RGS6: variants seen among roughly 807,000 people sequenced by gnomAD.
RGS6 encodes regulator of G protein signaling 6.
Under a neutral mutation model 78.5 loss-of-function variants are expected in RGS6, and 30 were observed. That is an observed-to-expected ratio of 0.38 (90% CI 0.29 to 0.52). The LOEUF (loss-of-function observed/expected upper bound fraction) is 0.52, where lower values mean the gene tolerates loss of function less well. Among genes scored for constraint, RGS6 ranks in the 20% least tolerant of loss-of-function variants. RGS6 has a pLI of 0.85. For synonymous variants in RGS6, 206 were observed against 206.0 expected (o/e 1.00, Z 0.00); for missense variants, 495 against 609.7 (o/e 0.81, Z 1.98).
At chr14:71,972,509 T>TTTCTTGATAAGGGAA (rs1311376719) in intron 2 of RGS6, among the ~76,000 whole-genome samples, 2 of 152,288 alleles carry the variant, frequency 1.3e-5, no homozygotes, top group East Asian at 3.9e-4. Flanking sequence ...AGACTCTGCG[T>TTTCTTGATAAGGGAA]TTCTTGATAA....
intron 2 of RGS6, among the ~76,000 whole-genome samples, chr14:72,113,274 A>C (rs972121091): frequency 6.6e-6 from 1 of 152,220 alleles, no homozygotes; most frequent in Non-Finnish European, 1.5e-5. Flanking sequence ...TAGGTGACCA[A>C]GTATTATCAG....
intron 14 of RGS6, among the ~76,000 whole-genome samples, chr14:72,517,281 G>C (rs372901549): frequency 1.3e-5 from 2 of 152,178 alleles, no homozygotes; most frequent in South Asian, 4.2e-4. Flanking sequence ...TGTGATTCCC[G>C]CTGCTCTCGG....
chr14:72,502,364 C>T (rs1316015709), intron 13 of RGS6, among the ~76,000 whole-genome samples: 4 of 152,186 alleles, frequency 2.6e-5, no homozygotes, highest in Admixed American at 2.0e-4. Context: ...ACCATGTGAT[C>T]CCCAAGTGAG....
At chr14:72,456,548 G>T (rs1466836630) in intron 4 of RGS6, among the ~76,000 whole-genome samples, 2 of 152,138 alleles carry the variant, frequency 1.3e-5, no homozygotes, top group Non-Finnish European at 2.9e-5. Context: ...TTCTGCTTTG[G>T]CCTCCCACAG....
chr14:72,296,194 T>C (rs1251082821), intron 2 of RGS6, among the ~76,000 whole-genome samples: 1 of 152,226 alleles, frequency 6.6e-6, no homozygotes. Context: ...TGGCCATACC[T>C]TTTTCCTTTT....
intron 3 of RGS6, among the ~76,000 whole-genome samples, chr14:72,449,484 G>A (rs2095442116): frequency 6.6e-6 from 1 of 152,156 alleles, no homozygotes; most frequent in South Asian, 2.1e-4. Flanking sequence ...AGCTATCCCT[G>A]TCAAATTCTA....
rs2097701304 is a variant in RGS6 at position 72,564,600 on chromosome 14, T to A, written c.*2133T>A. ...GCAGGCACCTCAGTGCCCTCAGTTA[T>A]CCAGGGCAAGGGGCCTGGCTGCCCC... On this transcript the variant is annotated 3_prime_UTR_variant, in exon 18 of 18. Transcript: ENST00000553525. 6.6e-6 allele frequency: 1 copy of A among 152,254 alleles called. No homozygotes were observed. The highest frequency in any genetic ancestry group is 6.5e-5 in the Admixed American group (1 of 15,284). 9.4% of individuals were successfully genotyped at this position (152,254 alleles called of 1,614,324 possible).
chr14:71,981,349 A>C lies in RGS6; in HGVS notation c.84+16474A>C, dbSNP rs191430777. Among the ~76,000 whole-genome samples the C allele has an allele frequency of 7.0e-4, 107 of 152,064 alleles. 2 individuals are homozygous for C. Among genetic ancestry groups the C allele is most frequent in the African/African-American group, 2.3e-3 (97 of 41,446 alleles). On this transcript the variant is annotated intron_variant, in intron 2 of 17. Transcript: ENST00000553525. ...GGAGGAGAGGCGCTCTGCTTTTTAG[A>C]GTTTCCCGTTTTTCTATTCTGTTTT...
At position 72,154,072 on chromosome 14, in the gene RGS6, C is replaced by G. The variant is rs139531997; in HGVS notation, c.84+189197C>G. Among the ~76,000 whole-genome samples, 485 of 152,218 alleles carry G rather than the reference C, an allele frequency of 3.2e-3. 3 individuals carry two copies. Among genetic ancestry groups the G allele is most frequent in the African/African-American group, 0.011 (471 of 41,538 alleles). On this transcript the variant is annotated intron_variant, in intron 2 of 17. Transcript: ENST00000553525. ...CTCGCCCCAGGAATGCATTCGTTTC[C>G]TAGCGTATTAATATTAATATTCCTT...
the RGS6 span, among the ~76,000 whole-genome samples, chr14:72,598,959 A>G: frequency 1.3e-5 from 2 of 151,986 alleles, no homozygotes; most frequent in African/African-American, 4.8e-5. Flanking sequence ...TATTACCCTA[A>G]ACAAGTTTGG....
intron 12 of RGS6, among the ~76,000 whole-genome samples, chr14:72,486,696 C>T (rs914717997): frequency 3.3e-5 from 5 of 152,210 alleles, no homozygotes; most frequent in African/African-American, 1.2e-4. Flanking sequence ...AGCCTTTTAA[C>T]TCTCTGCATT....
At chr14:71,908,296 G>A in the RGS6 span, 4 of 152,240 alleles carry the variant, frequency 2.6e-5, no homozygotes, top group Non-Finnish European at 4.4e-5. Flanking sequence ...CAAGTGTGAT[G>A]AAGCGGAACA....
chr14:72,413,263 G>T (rs1337472120), intron 3 of RGS6, among the ~76,000 whole-genome samples: 2 of 152,238 alleles, frequency 1.3e-5, no homozygotes, highest in Non-Finnish European at 2.9e-5. Context: ...TGTATTAGGT[G>T]CATATATATT....
chr14:72,256,300 G>A (rs1053637703), intron 2 of RGS6, among the ~76,000 whole-genome samples: 5 of 152,172 alleles, frequency 3.3e-5, no homozygotes, highest in African/African-American at 1.2e-4. Context: ...GACCAGTTGA[G>A]TCAGTTCCCT....
intron 2 of RGS6, among the ~76,000 whole-genome samples, chr14:72,136,599 T>C (rs1652577150): frequency 6.6e-6 from 1 of 152,264 alleles, no homozygotes; most frequent in South Asian, 2.1e-4. Context: ...GAGAACAGTA[T>C]TGGGGAAATC....
intron 2 of RGS6, among the ~76,000 whole-genome samples, chr14:72,316,347 A>G (rs976530449): frequency 6.6e-6 from 1 of 151,998 alleles, no homozygotes; most frequent in African/African-American, 2.4e-5. Flanking sequence ...TTAATTCATC[A>G]TTTACATTAG....
At chr14:72,027,299 A>T (rs938221152) in intron 2 of RGS6, among the ~76,000 whole-genome samples, 2 of 152,014 alleles carry the variant, frequency 1.3e-5, no homozygotes, top group African/African-American at 4.8e-5. Flanking sequence ...AAGAAAGGGG[A>T]TGGAGGCTTA....
At chr14:72,323,635 C>T (rs2072761616) in intron 2 of RGS6, among the ~76,000 whole-genome samples, 1 of 151,078 alleles carries the variant, frequency 6.6e-6, no homozygotes, top group South Asian at 2.1e-4. Context: ...AACCCTGTCT[C>T]TACTAAATAT....
At chr14:72,304,563 A>C (rs750618268) in intron 2 of RGS6, among the ~76,000 whole-genome samples, 2 of 152,210 alleles carry the variant, frequency 1.3e-5, no homozygotes, top group Non-Finnish European at 2.9e-5. Context: ...GTATGGGTCA[A>C]ATGCTATGCA....
Sources: allele counts gnomAD v4.1 joint callset (sites outside exome capture counted in the v4.1 genomes callset), GRCh38; gene constraint gnomAD v4.1.1; transcripts MANE v1.5; gene names NCBI Gene and HGNC (gene_info 2026-07-23, HGNC 2026-07-21).